Variants in MORC4 observed in about 807,000 individuals in gnomAD.
The protein encoded by MORC4 is MORC family CW-type zinc finger protein 4.
Under a neutral mutation model 65.5 loss-of-function variants are expected in MORC4, and 22 were observed. That is an observed-to-expected ratio of 0.34 (90% CI 0.24 to 0.48). The LOEUF is 0.48. Among genes scored for constraint, MORC4 ranks in the 20% least tolerant of loss-of-function variants. The pLI is 0.99. For missense variants in MORC4, 624 were observed against 703.0 expected (o/e 0.89, Z 1.27); for synonymous variants, 267 against 255.8 (o/e 1.04, Z -0.42).
Position 106,941,302 on chromosome X carries a change from A to T in MORC4, c.*177T>A. Reference sequence around the variant, plus strand: ...GGCCTCTTTCTCCACACCAAAACTGATAAAAAGGAGACTGATTATGAGCCA... The same window carrying T: ...GGCCTCTTTCTCCACACCAAAACTGTTAAAAAGGAGACTGATTATGAGCCA... On this transcript the variant is annotated 3_prime_UTR_variant, in exon 17 of 17. Coordinates refer to ENST00000355610, the MANE Select transcript of MORC4 (RefSeq NM_024657.5). The T allele has an allele frequency of 2.7e-6, 1 of 370,947 alleles. No individual in the cohort carries two copies. The highest frequency in any genetic ancestry group is 4.6e-6 in the Non-Finnish European group (1 of 217,678). The allele number at this position is 370,947 out of a possible 1,213,427, so 30.6% of individuals were successfully genotyped here.
chrX:106,950,293 C>A (rs761764594), intron 14 of MORC4, among the ~76,000 whole-genome samples: 40 of 111,975 alleles, frequency 3.6e-4, no homozygotes, highest in Non-Finnish European at 6.4e-4. Context: ...TGTTCTCCAC[C>A]AAGATCTCCA....
chrX:106,952,630 G>A (rs1934001647), intron 14 of MORC4, among the ~76,000 whole-genome samples: 1 of 111,770 alleles, frequency 8.9e-6, no homozygotes, highest in African/African-American at 3.3e-5. Context: ...TCCTCCCCTT[G>A]CTAGATTTGT....
At chrX:106,959,972 T>C (rs991355603) in intron 10 of MORC4, among the ~76,000 whole-genome samples, 5 of 112,984 alleles carry the variant, frequency 4.4e-5, no homozygotes, top group Non-Finnish European at 9.4e-5. Flanking sequence ...TCTTCTTTTT[T>C]TGAAACTCTG....
At chrX:106,947,829 A>C (rs1249340465) in intron 14 of MORC4, among the ~76,000 whole-genome samples, 1 of 106,835 alleles carries the variant, frequency 9.4e-6, no homozygotes, top group Non-Finnish European at 1.9e-5. Flanking sequence ...AAATACACAA[A>C]GCAAAAACAG....
At chrX:106,942,259 A>C (rs1933708356) in intron 15 of MORC4, 38 bp from the exon 16 acceptor site, 2 of 1,173,836 alleles carry the variant, frequency 1.7e-6, no homozygotes, top group African/African-American at 3.5e-5. Flanking sequence ...GACCCCACAA[A>C]AGAGCACGCC....
Position 106,985,081 on chromosome X carries a change from C to A in MORC4, c.674+15G>T. 8.6e-7 allele frequency: 1 copy of A among 1,166,538 alleles called. No individual in the cohort carries two copies. Among genetic ancestry groups the A allele is most frequent in the Non-Finnish European group, 1.2e-6 (1 of 866,337 alleles). On this transcript the variant is annotated intron_variant, in intron 5 of 16. Coordinates refer to ENST00000355610, the MANE Select transcript of MORC4 (RefSeq NM_024657.5). ...CCTTTGTTTATTAGAATCTATCACC[C>A]TTGGAATACTATACCTGCGGATGTT...
intron 14 of MORC4, among the ~76,000 whole-genome samples, chrX:106,946,275 T>C (rs1314465578): frequency 8.9e-6 from 1 of 112,474 alleles, no homozygotes; most frequent in Non-Finnish European, 1.9e-5. Context: ...ACTGGGACAC[T>C]ACTCTACTTT....
At chrX:106,994,935 G>A (rs1382236906) in intron 2 of MORC4, among the ~76,000 whole-genome samples, 2 of 111,251 alleles carry the variant, frequency 1.8e-5, no homozygotes, top group Non-Finnish European at 3.8e-5. Flanking sequence ...AATGTGTAAT[G>A]ATCAAATCAG....
chrX:106,998,080 G>T (rs953151400), intron 2 of MORC4, among the ~76,000 whole-genome samples: 1 of 112,370 alleles, frequency 8.9e-6, no homozygotes, highest in East Asian at 2.8e-4. Flanking sequence ...CACAGTGGGT[G>T]CTCAATAAAT....
rs1305843038 is a variant in MORC4 at position 106,999,901 on chromosome X, G to A, written c.69C>T (p.Gly23=). The A allele has an allele frequency of 8.5e-6, 7 of 821,886 alleles. No homozygotes were observed. The African/African-American group carries it at 1.6e-4, about 19-fold the overall frequency. The allele number at this position is 821,886 out of a possible 1,213,427, so 67.7% of individuals were successfully genotyped here. A position where few individuals can be genotyped will look rare whatever the true frequency, so the allele number is the denominator to read the frequency against. ...APGCGLARPG[G]GPQAFGIRLS... ...GGCGGATCCCGAAGGCCTGCGGGCC[G>A]CCGCCGGGCCGGGCCAGCCCGCAGC... Residue 23 remains glycine (G), a synonymous_variant, in exon 1 of 17, where the codon GGC becomes GGT. Coordinates refer to ENST00000355610, the MANE Select transcript of MORC4 (RefSeq NM_024657.5).
At position 106,941,198 on chromosome X, in the gene MORC4, G is replaced by A; in HGVS notation, c.*281C>T. ...ACAATAGACCACATATCCAGGTCATGAAAATTAAAGCTTTCAGGTCACCTA... is the reference window on the plus strand; with the variant it reads ...ACAATAGACCACATATCCAGGTCATAAAAATTAAAGCTTTCAGGTCACCTA... On this transcript the variant is annotated 3_prime_UTR_variant, in exon 17 of 17. Transcript: ENST00000355610. The A allele has an allele frequency of 3.8e-6, 1 of 260,530 alleles. No individual in the cohort carries two copies. The highest frequency in any genetic ancestry group is 6.8e-6 in the Non-Finnish European group (1 of 146,437). 21.5% of individuals were successfully genotyped at this position (260,530 alleles called of 1,213,427 possible).
rs187570124 is a variant in MORC4 at position 106,951,753 on chromosome X, T to C, written c.1685+3160A>G. Among the ~76,000 whole-genome samples the C allele has an allele frequency of 6.4e-4, 71 of 110,602 alleles. No individual in the cohort carries two copies. In the East Asian group the frequency reaches 0.016, roughly 24 times the overall value. On this transcript the variant is annotated intron_variant, in intron 14 of 16. Coordinates refer to ENST00000355610, the MANE Select transcript of MORC4 (RefSeq NM_024657.5). ...TGGCTCACACCTGTAATCCCAGCACTTTGGGAGGCCAAGGCGGGTGGATCA... is the reference window on the plus strand; with the variant it reads ...TGGCTCACACCTGTAATCCCAGCACCTTGGGAGGCCAAGGCGGGTGGATCA...
At chrX:106,969,793 T>A (rs1443299690) in intron 9 of MORC4, among the ~76,000 whole-genome samples, 3 of 112,030 alleles carry the variant, frequency 2.7e-5, no homozygotes, top group Admixed American at 1.9e-4. Context: ...GCTGAATCTC[T>A]GAATAGACCA....
At chrX:106,956,684 G>T in intron 12 of MORC4, 150 bp from the exon 13 acceptor site, 1 of 522,469 alleles carries the variant, frequency 1.9e-6, no homozygotes. Flanking sequence ...TTCTGAACTA[G>T]GCTACTGAAG....
chrX:106,942,330 G>C, intron 15 of MORC4, 109 bp from the exon 16 acceptor site: 1 of 983,827 alleles, frequency 1.0e-6, no homozygotes, highest in Non-Finnish European at 1.4e-6. Context: ...CTACTTATGG[G>C]CCTTTTCAAT....
intron 2 of MORC4, among the ~76,000 whole-genome samples, chrX:106,998,609 C>T (rs928474270): frequency 8.9e-6 from 1 of 112,660 alleles, no homozygotes; most frequent in East Asian, 2.8e-4. Context: ...CCCCAAGGCA[C>T]AGTACCAAAC....
chrX:106,980,926 T>C lies in MORC4; in HGVS notation c.901A>G (p.Asn301Asp). The change falls in exon 7 of 17, where the codon AAT (asparagine) becomes GAT (aspartate). Residue 301 changes from asparagine (N) to aspartate (D), a missense_variant. Physicochemically the swap from Asn to Asp is conservative, Grantham distance 23 (BLOSUM62 1). Transcript: ENST00000355610. ...TTQMIAKSLA[N>D]VEYDTYKPTF... is the part of the protein sequence containing the mutation. ...GGTTTATATGTATCATATTCTACAT[T>C]GGCCAGGCTCTTGGCAATCATCTGG... is the stretch of plus-strand genomic sequence containing the variant. 8.3e-7 allele frequency: 1 copy of C among 1,208,334 alleles called. No homozygotes were observed. The highest frequency in any genetic ancestry group is 1.8e-5 in the South Asian group (1 of 56,879).
At chrX:106,961,257 G>T (rs996562113) in intron 10 of MORC4, among the ~76,000 whole-genome samples, 1 of 112,092 alleles carries the variant, frequency 8.9e-6, no homozygotes, top group African/African-American at 3.2e-5. Context: ...ACTTACCCAA[G>T]CTCATCCAAC....
chrX:106,954,793 C>A, intron 14 of MORC4, 120 bp downstream of exon 14: 1 of 649,402 alleles, frequency 1.5e-6, no homozygotes, highest in Non-Finnish European at 2.4e-6. Context: ...TGTGTTTCTA[C>A]TTCTGAATTC....
Sources: allele counts gnomAD v4.1 joint callset (sites outside exome capture counted in the v4.1 genomes callset), GRCh38; gene constraint gnomAD v4.1.1; transcripts MANE v1.5; gene names NCBI Gene and HGNC (gene_info 2026-07-23, HGNC 2026-07-21).